Variants in SNTG1 observed in about 807,000 individuals in gnomAD.
The protein encoded by SNTG1 is gamma-1-syntrophin.
A neutral mutation model predicts 74.7 loss-of-function variants in SNTG1; 39 were observed. That is an observed-to-expected ratio of 0.52 (90% CI 0.40 to 0.68). The LOEUF (loss-of-function observed/expected upper bound fraction) is 0.68, where lower values mean the gene tolerates loss of function less well. Among genes scored for constraint, SNTG1 ranks in the 30% least tolerant of loss-of-function variants. SNTG1 has a pLI of 0.00. For missense variants in SNTG1, 685 were observed against 609.5 expected (o/e 1.12, Z -1.30); for synonymous variants, 254 against 217.1 (o/e 1.17, Z -1.49).
chr8:50,523,998 C>T lies in SNTG1; in HGVS notation c.467-6179C>T, dbSNP rs373795371. On this transcript the variant is annotated intron_variant, in intron 9 of 18. Coordinates refer to ENST00000642720, the MANE Select transcript of SNTG1 (RefSeq NM_018967.5). The stretch of plus-strand genomic sequence containing the variant: ...ATAATTGCTGATAGGGAAACACTTA[C>T]TGCTGTCATTTTGTTGTTTTCTGTA... Among the ~76,000 whole-genome samples the T allele has an allele frequency of 7.9e-5, 12 of 152,228 alleles. No individual in the cohort carries two copies. The East Asian group carries it at 2.3e-3, about 29-fold the overall frequency.
chr8:50,017,281 G>C (rs891403763), intron 1 of SNTG1, among the ~76,000 whole-genome samples: 1 of 151,810 alleles, frequency 6.6e-6, no homozygotes, highest in Admixed American at 6.6e-5. Context: ...AATATAGAAA[G>C]AGAAAAAGGG....
At chr8:50,188,541 T>A (rs999531327) in intron 2 of SNTG1, among the ~76,000 whole-genome samples, 8 of 152,096 alleles carry the variant, frequency 5.3e-5, no homozygotes, top group African/African-American at 1.2e-4. Flanking sequence ...TCATGTGGGT[T>A]CAGGTACAAG....
chr8:49,988,333 C>T (rs965224393), intron 1 of SNTG1, among the ~76,000 whole-genome samples: 1 of 152,008 alleles, frequency 6.6e-6, no homozygotes, highest in African/African-American at 2.4e-5. Flanking sequence ...CTTCTAGATG[C>T]CAGATTTAGC....
At chr8:50,768,060 T>C (rs945189923) in intron 18 of SNTG1, among the ~76,000 whole-genome samples, 1 of 152,014 alleles carries the variant, frequency 6.6e-6, no homozygotes, top group Non-Finnish European at 1.5e-5. Context: ...CTCTATTTAG[T>C]GGAACAGTGC....
intron 12 of SNTG1, among the ~76,000 whole-genome samples, chr8:50,553,783 G>A (rs968546924): frequency 1.1e-4 from 17 of 151,680 alleles, no homozygotes; most frequent in African/African-American, 2.4e-4. Context: ...TCTTTCCCCC[G>A]TTATTAATAA....
At chr8:50,462,052 G>C (rs1460310987) in intron 8 of SNTG1, among the ~76,000 whole-genome samples, 1 of 152,002 alleles carries the variant, frequency 6.6e-6, no homozygotes, top group Non-Finnish European at 1.5e-5. Context: ...AGTGTACTCT[G>C]CTCCAATGAC....
At chr8:50,340,470 G>T (rs939785932) in intron 2 of SNTG1, among the ~76,000 whole-genome samples, 7 of 151,900 alleles carry the variant, frequency 4.6e-5, no homozygotes, top group African/African-American at 1.7e-4. Context: ...CACAAAGAAA[G>T]GATAATCTTT....
intron 1 of SNTG1, among the ~76,000 whole-genome samples, chr8:49,936,850 T>C (rs1346150284): frequency 1.3e-5 from 2 of 152,184 alleles, no homozygotes; most frequent in Non-Finnish European, 2.9e-5. Flanking sequence ...CTAGATGAAC[T>C]TCAAAACAGT....
intron 18 of SNTG1, among the ~76,000 whole-genome samples, chr8:50,786,778 C>A (rs751345372): frequency 6.6e-6 from 1 of 151,798 alleles, no homozygotes; most frequent in Non-Finnish European, 1.5e-5. Context: ...CTGGGAAAAC[C>A]GGTTATTGAA....
At chr8:50,521,884 C>T (rs184819884) in intron 9 of SNTG1, among the ~76,000 whole-genome samples, 1 of 152,204 alleles carries the variant, frequency 6.6e-6, no homozygotes, top group Non-Finnish European at 1.5e-5. Context: ...ATCACATCTA[C>T]TCTTACTGCC....
intron 12 of SNTG1, among the ~76,000 whole-genome samples, chr8:50,559,364 C>T (rs1456405736): frequency 1.3e-5 from 2 of 151,916 alleles, no homozygotes; most frequent in Non-Finnish European, 2.9e-5. Context: ...AAAGCCTTAA[C>T]TAAGTAGCCA....
chr8:50,517,205 A>T (rs2094140586), intron 9 of SNTG1, among the ~76,000 whole-genome samples: 2 of 152,214 alleles, frequency 1.3e-5, no homozygotes, highest in African/African-American at 2.4e-5. Context: ...AAGCTCCATA[A>T]GCGAAGGAAA....
intron 2 of SNTG1, among the ~76,000 whole-genome samples, chr8:50,210,832 T>C (rs1302695152): frequency 6.6e-6 from 1 of 152,222 alleles, no homozygotes; most frequent in African/African-American, 2.4e-5. Flanking sequence ...ATTCATGTTA[T>C]GATACTTTAG....
chr8:50,535,300 G>A (rs1376968480), intron 10 of SNTG1, among the ~76,000 whole-genome samples: 2 of 152,116 alleles, frequency 1.3e-5, no homozygotes, highest in East Asian at 1.9e-4. Context: ...TTCTGATTCT[G>A]ACTTGCAGCT....
chr8:50,322,524 A>T (rs2090572366), intron 2 of SNTG1, among the ~76,000 whole-genome samples: 1 of 152,114 alleles, frequency 6.6e-6, no homozygotes, highest in South Asian at 2.1e-4. Flanking sequence ...TTTTTGGGTT[A>T]AACCTGCTGG....
chr8:50,713,417 G>C (rs894160190), intron 17 of SNTG1, among the ~76,000 whole-genome samples: 1 of 151,988 alleles, frequency 6.6e-6, no homozygotes, highest in African/African-American at 2.4e-5. Flanking sequence ...TTCTCAGATG[G>C]ATAGATTACA....
intron 4 of SNTG1, among the ~76,000 whole-genome samples, chr8:50,405,069 G>A (rs2092854412): frequency 6.6e-6 from 1 of 151,982 alleles, no homozygotes; most frequent in Non-Finnish European, 1.5e-5. Context: ...TAAACATTGA[G>A]GTTGTTTCCA....
chr8:50,435,548 A>G (rs996884639), intron 4 of SNTG1, among the ~76,000 whole-genome samples: 2 of 152,284 alleles, frequency 1.3e-5, no homozygotes, highest in Admixed American at 6.5e-5. Flanking sequence ...GCAAACACAA[A>G]CAACTGGGAA....
At chr8:50,785,309 C>A (rs183083624) in intron 18 of SNTG1, among the ~76,000 whole-genome samples, 1 of 150,864 alleles carries the variant, frequency 6.6e-6, no homozygotes, top group South Asian at 2.1e-4. Flanking sequence ...AACCAAACAG[C>A]GAGAGAGAGA....
Sources: gnomAD v4.1 joint callset for allele counts (sites outside exome capture counted in the v4.1 genomes callset) on GRCh38, gnomAD v4.1.1 for gene constraint, MANE v1.5 for transcripts, NCBI Gene and HGNC (gene_info 2026-07-23, HGNC 2026-07-21) for gene names.